Variants in ZBED6 observed in about 807,000 individuals in gnomAD.
The protein encoded by ZBED6 is zinc finger BED-type containing 6, also known as zinc finger BED domain-containing protein 6.
ZBED6 carries 40 observed loss-of-function variants against 58.4 expected under a neutral mutation model. The observed-to-expected ratio is 0.68, with a 90% CI of 0.53 to 0.89. The LOEUF is 0.89. Ranked by LOEUF, ZBED6 falls within the 40% of genes least tolerant of loss-of-function variation. The pLI is 0.00. For missense variants in ZBED6, 1,057 were observed against 1,003.9 expected (o/e 1.05, Z -0.71); for synonymous variants, 439 against 350.6 (o/e 1.25, Z -2.82).
exon 1 of ZBED6, chr1:203,797,265 A>C: frequency 3.4e-6 from 1 of 295,606 alleles, no homozygotes. Flanking sequence ...ACATGAGGAC[A>C]CTGGACTATT....
chr1:203,848,332 G>T, exon 13 of ZBED6: 1 of 1,612,258 alleles, frequency 6.2e-7, no homozygotes, highest in Non-Finnish European at 8.5e-7. Flanking sequence ...TGAATACAGG[G>T]ATGAAAGAAG....
At chr1:203,842,598 G>A (rs921297315) in intron 11 of ZBED6, among the ~76,000 whole-genome samples, 26 of 150,968 alleles carry the variant, frequency 1.7e-4, no homozygotes, top group Non-Finnish European at 1.3e-4. Flanking sequence ...GAGGGAGACC[G>A]GGGAGAGGGG....
chr1:203,839,570 T>A (rs896010955), intron 10 of ZBED6, among the ~76,000 whole-genome samples: 16 of 152,196 alleles, frequency 1.1e-4, no homozygotes, highest in African/African-American at 3.9e-4. Flanking sequence ...GTTTGGAGGT[T>A]TTCTTGCATT....
chr1:203,818,800 T>G, intron 3 of ZBED6, 111 bp downstream of exon 3: 1 of 1,510,986 alleles, frequency 6.6e-7, no homozygotes, highest in South Asian at 1.2e-5. Flanking sequence ...CTGAGTGCAG[T>G]GGCTCATGCC....
At position 203,845,816 on chromosome 1, in the gene ZBED6, AT is replaced by A. The variant is rs199751083; in HGVS notation, c.*3742-1367del. 1.1e-3 allele frequency among the ~76,000 whole-genome samples: 161 copies of A among 152,262 alleles called. 4 individuals carry two copies. In the East Asian group the frequency reaches 0.026, roughly 25 times the overall value. On this transcript the variant is annotated intron_variant, in intron 11 of 16. Coordinates refer to ENST00000550078, the Ensembl canonical transcript of ZBED6. Reference sequence around the variant, plus strand: ...GAGATGTAGGTTGCGGTGAGTCAAGATGACACCACTGCACACTCCAGCCTGG... The same window carrying A: ...GAGATGTAGGTTGCGGTGAGTCAAGAGACACCACTGCACACTCCAGCCTGG...
At chr1:203,816,453 GTCTT>G (rs1056515780) in intron 1 of ZBED6, among the ~76,000 whole-genome samples, 7 of 152,048 alleles carry the variant, frequency 4.6e-5, no homozygotes, top group Non-Finnish European at 1.0e-4. Context: ...GCAAGATCCT[GTCTT>G]TACAAAAATT....
exon 1 of ZBED6, chr1:203,799,475 T>C (rs1035030306): frequency 1.1e-5 from 8 of 702,958 alleles, no homozygotes; most frequent in Non-Finnish European, 2.1e-5. Flanking sequence ...GGATTTCTAC[T>C]TTTTATATGT....
At chr1:203,843,890 T>C (rs1042495839) in intron 11 of ZBED6, among the ~76,000 whole-genome samples, 5 of 152,098 alleles carry the variant, frequency 3.3e-5, no homozygotes, top group Non-Finnish European at 7.4e-5. Context: ...GGAGTTTCGC[T>C]CTTGTTGCCC....
At chr1:203,838,212 C>G in intron 10 of ZBED6, 148 bp downstream of exon 10, 3 of 797,086 alleles carry the variant, frequency 3.8e-6, no homozygotes, top group Admixed American at 2.9e-5. Flanking sequence ...ACATTTGATC[C>G]TTAGTCTGCT....
At chr1:203,813,509 A>G (rs1323190858) in intron 1 of ZBED6, among the ~76,000 whole-genome samples, 1 of 152,184 alleles carries the variant, frequency 6.6e-6, no homozygotes, top group Non-Finnish European at 1.5e-5. Flanking sequence ...CATTTGTTCC[A>G]GTAACATATG....
chr1:203,815,389 T>TA (rs1676031875), intron 1 of ZBED6, among the ~76,000 whole-genome samples: 1 of 146,672 alleles, frequency 6.8e-6, no homozygotes, highest in African/African-American at 2.5e-5. Context: ...CTTTTTTTTT[T>TA]TTTTTTTTTT....
intron 10 of ZBED6, among the ~76,000 whole-genome samples, chr1:203,838,318 T>A (rs994152141): frequency 2.0e-5 from 3 of 152,156 alleles, no homozygotes; most frequent in African/African-American, 7.2e-5. Context: ...ATGCGATAAA[T>A]TTTGTAACAG....
At chr1:203,841,051 T>C (rs1384525297) in intron 11 of ZBED6, among the ~76,000 whole-genome samples, 1 of 151,364 alleles carries the variant, frequency 6.6e-6, no homozygotes, top group East Asian at 1.9e-4. Context: ...AACAACGATA[T>C]GGAAAAATCA....
intron 11 of ZBED6, among the ~76,000 whole-genome samples, chr1:203,841,849 G>A (rs1224848824): frequency 7.3e-5 from 11 of 151,124 alleles, no homozygotes; most frequent in East Asian, 6.0e-4. Flanking sequence ...CAGACGGGGC[G>A]GCTGCCGGGC....
chr1:203,804,708 C>T (rs747923404), intron 1 of ZBED6, among the ~76,000 whole-genome samples: 6 of 142,190 alleles, frequency 4.2e-5, no homozygotes, highest in Non-Finnish European at 6.0e-5. Flanking sequence ...GTATTGCTCT[C>T]GTTGCCTAGG....
Position 203,798,776 on chromosome 1 carries a change from T to G in ZBED6, c.1254T>G (p.Ile418Met), listed in dbSNP as rs1669549681. ...TAAGTCAGGCAATTATCCAAATGAT[T>G]GTGGAGGATATGCATCCTTACAACT... Residue 418 changes from isoleucine (I) to methionine (M), a missense_variant, in exon 1 of 17, where the codon ATT becomes ATG. Coordinates refer to ENST00000550078, the Ensembl canonical transcript of ZBED6. 1.3e-6 allele frequency: 2 copies of G among 1,536,030 alleles called. No individual in the cohort carries two copies. Among genetic ancestry groups the G allele is most frequent in the Non-Finnish European group, 8.7e-7 (1 of 1,146,918 alleles).
At chr1:203,815,211 C>CTTTTCTT (rs1553261488) in intron 1 of ZBED6, among the ~76,000 whole-genome samples, 1 of 59,402 alleles carries the variant, frequency 1.7e-5, no homozygotes, top group African/African-American at 4.8e-5. Context: ...TCTTCCTTTT[C>CTTTTCTT]TTTTCTTTTT....
At chr1:203,828,696 T>C (rs1681334539) in intron 4 of ZBED6, among the ~76,000 whole-genome samples, 1 of 152,196 alleles carries the variant, frequency 6.6e-6, no homozygotes, top group African/African-American at 2.4e-5. Flanking sequence ...ATAAATTTGA[T>C]TTTCTAGGTC....
At chr1:203,818,436 G>T (rs1430793356) in intron 2 of ZBED6, 134 bp from the exon 3 acceptor site, 2 of 1,169,734 alleles carry the variant, frequency 1.7e-6, no homozygotes, top group East Asian at 5.0e-5. Context: ...GTCATTCCAT[G>T]TCCATTGTTT....
Sources: gnomAD v4.1 joint callset for allele counts (sites outside exome capture counted in the v4.1 genomes callset) on GRCh38, gnomAD v4.1.1 for gene constraint, MANE v1.5 for transcripts, NCBI Gene and HGNC (gene_info 2026-07-23, HGNC 2026-07-21) for gene names.